MDGA2: variants seen among roughly 807,000 people sequenced by gnomAD.
The protein encoded by MDGA2 is MAM domain-containing glycosylphosphatidylinositol anchor protein 2.
MDGA2 carries 40 observed loss-of-function variants against 117.8 expected under a neutral mutation model. The observed-to-expected ratio is 0.34, with a 90% confidence interval of 0.26 to 0.44. The LOEUF is 0.44. Among genes scored for constraint, MDGA2 ranks in the 20% least tolerant of loss-of-function variants. The probability of loss-of-function intolerance (pLI) is 1.00; values close to 1 mark genes in which losing one functional copy is unlikely to be tolerated. For missense variants in MDGA2, 1,123 were observed against 1,250.6 expected, an observed-to-expected ratio of 0.90 and a Z score of 1.54; for synonymous variants, 452 against 439.0, an observed-to-expected ratio of 1.03 and a Z score of -0.37.
At chr14:47,074,790 T>A (rs1284128504) in intron 6 of MDGA2, among the ~76,000 whole-genome samples, 1 of 152,176 alleles carries the variant, frequency 6.6e-6, no homozygotes, top group Non-Finnish European at 1.5e-5. Flanking sequence ...TATCACTTCT[T>A]CACAGCTTGC....
At chr14:47,627,374 G>C (rs1897166594) in intron 1 of MDGA2, among the ~76,000 whole-genome samples, 1 of 150,166 alleles carries the variant, frequency 6.7e-6, no homozygotes, top group South Asian at 2.1e-4. Context: ...AGTTAATCTG[G>C]TGGGGACTTG....
At chr14:47,351,160 C>A (rs1053838416) in intron 1 of MDGA2, among the ~76,000 whole-genome samples, 12 of 151,390 alleles carry the variant, frequency 7.9e-5, no homozygotes, top group Admixed American at 4.6e-4. Context: ...CTCACCCCCG[C>A]AACCTCTGCC....
chr14:47,336,160 G>A (rs1344972070), intron 1 of MDGA2, among the ~76,000 whole-genome samples: 4 of 151,830 alleles, frequency 2.6e-5, no homozygotes, highest in Non-Finnish European at 5.9e-5. Flanking sequence ...TCAGGAAAAG[G>A]TCAGGAATTG....
At chr14:47,438,441 G>A (rs1035034889) in intron 1 of MDGA2, among the ~76,000 whole-genome samples, 2 of 152,112 alleles carry the variant, frequency 1.3e-5, no homozygotes, top group Non-Finnish European at 2.9e-5. Flanking sequence ...GCCTAGCACT[G>A]GTTTACATAC....
chr14:47,463,722 A>G (rs572667217), intron 1 of MDGA2, among the ~76,000 whole-genome samples: 1 of 152,250 alleles, frequency 6.6e-6, no homozygotes, highest in Non-Finnish European at 1.5e-5. Context: ...ATAATAGATA[A>G]CATTTTAAAA....
At chr14:46,906,972 CTTTTTT>C (rs372756942) in intron 10 of MDGA2, among the ~76,000 whole-genome samples, 14 of 99,550 alleles carry the variant, frequency 1.4e-4, no homozygotes, top group Admixed American at 8.4e-4. Context: ...TTACCTTTTT[CTTTTTT>C]TTTTTTTTTT....
At chr14:47,209,678 T>C (rs1388413791) in intron 3 of MDGA2, among the ~76,000 whole-genome samples, 1 of 152,206 alleles carries the variant, frequency 6.6e-6, no homozygotes, top group Non-Finnish European at 1.5e-5. Context: ...CTAATACTAT[T>C]TGGAAATTAG....
At chr14:47,250,270 C>T (rs1225191266) in intron 2 of MDGA2, among the ~76,000 whole-genome samples, 6 of 152,200 alleles carry the variant, frequency 3.9e-5, no homozygotes, top group Non-Finnish European at 5.9e-5. Context: ...AAACTTGGAA[C>T]AGACCACATG....
chr14:47,581,736 C>G (rs994960748), intron 1 of MDGA2, among the ~76,000 whole-genome samples: 26 of 151,542 alleles, frequency 1.7e-4, no homozygotes, highest in African/African-American at 6.3e-4. Flanking sequence ...GCCAATGGTC[C>G]CAAAATGAAA....
Position 47,611,215 on chromosome 14 carries a change from G to A in MDGA2, c.280+63302C>T, listed in dbSNP as rs575210531. 2.0e-5 allele frequency among the ~76,000 whole-genome samples: 3 copies of A among 152,210 alleles called. No homozygotes were observed. The East Asian group carries it at 5.8e-4, about 29-fold the overall frequency. ...CTTATATAAAAATCACCTCAATATG[G>A]ATTAAGGACTTAAACCTAAGACCTG... On this transcript the variant is annotated intron_variant, in intron 1 of 16. Transcript: ENST00000399232.
At chr14:47,172,980 G>T (rs970302425) in intron 3 of MDGA2, among the ~76,000 whole-genome samples, 6 of 152,180 alleles carry the variant, frequency 3.9e-5, no homozygotes, top group Non-Finnish European at 7.3e-5. Context: ...GAAAGCCAAG[G>T]CTCGAGAACT....
At chr14:47,572,486 C>T (rs374807662) in intron 1 of MDGA2, among the ~76,000 whole-genome samples, 43 of 152,196 alleles carry the variant, frequency 2.8e-4, no homozygotes, top group South Asian at 1.2e-3. Context: ...AATTCTGACC[C>T]GATTCAAACA....
intron 1 of MDGA2, among the ~76,000 whole-genome samples, chr14:47,452,814 A>G (rs376534460): frequency 1.3e-5 from 2 of 152,062 alleles, no homozygotes; most frequent in Non-Finnish European, 2.9e-5. Context: ...AGAAATTTTT[A>G]TATCTTTACC....
chr14:47,353,660 G>A (rs757203930), intron 1 of MDGA2, among the ~76,000 whole-genome samples: 32 of 152,258 alleles, frequency 2.1e-4, no homozygotes, highest in Non-Finnish European at 4.1e-4. Context: ...AAAAGAAACC[G>A]TAGCAGTAAA....
At chr14:47,177,411 A>T (rs1374588483) in intron 3 of MDGA2, among the ~76,000 whole-genome samples, 11 of 152,172 alleles carry the variant, frequency 7.2e-5, no homozygotes, top group African/African-American at 2.7e-4. Flanking sequence ...CAAATGTCCA[A>T]CAATGATAGA....
rs1356198129 is a variant in MDGA2, at chr14:47,097,019, G to A, written c.1030C>T (p.Leu344Phe). The change falls in exon 6 of 17, where the codon CTC (leucine) becomes TTC (phenylalanine). Residue 344 changes from leucine (L) to phenylalanine (F), a missense_variant. Leu to Phe is a conservative substitution (Grantham distance 22, BLOSUM62 0). Transcript: ENST00000399232. ...GTCCCAAAGGACCTGACCCAGGTGA[G>A]AGAAGGTGCAGGCTCTCCTCCTGTT... Reference protein sequence around the residue: ...VTTGGEPAPSLTWVRSFGTLP... With the variant: ...VTTGGEPAPSFTWVRSFGTLP... 6.2e-7 allele frequency: 1 copy of A among 1,613,340 alleles called. No homozygotes were observed. The highest frequency in any genetic ancestry group is 2.2e-5 in the East Asian group (1 of 44,860).
chr14:47,473,835 A>G (rs990633556), intron 1 of MDGA2, among the ~76,000 whole-genome samples: 1 of 152,178 alleles, frequency 6.6e-6, no homozygotes, highest in Non-Finnish European at 1.5e-5. Flanking sequence ...AAATATTAAG[A>G]GCCATGTATG....
At chr14:47,150,147 G>A (rs1049091385) in intron 3 of MDGA2, among the ~76,000 whole-genome samples, 20 of 152,122 alleles carry the variant, frequency 1.3e-4, no homozygotes, top group African/African-American at 4.3e-4. Flanking sequence ...GGAGGAATAG[G>A]CAACTTCCAT....
chr14:47,593,221 T>C (rs563187222), intron 1 of MDGA2, among the ~76,000 whole-genome samples: 4 of 152,212 alleles, frequency 2.6e-5, no homozygotes, highest in Admixed American at 2.6e-4. Context: ...TACTAAAAAG[T>C]CAAGAAACAA....
Sources: allele counts gnomAD v4.1 joint callset (sites outside exome capture counted in the v4.1 genomes callset), GRCh38; gene constraint gnomAD v4.1.1; transcripts MANE v1.5; gene names NCBI Gene and HGNC (gene_info 2026-07-23, HGNC 2026-07-21).